SMS: variants seen among roughly 807,000 people sequenced by gnomAD.
SMS encodes the protein spermine synthase.
A neutral mutation model predicts 33.0 loss-of-function variants in SMS; 3 were observed. The observed-to-expected ratio is 0.09, with a 90% CI of 0.04 to 0.23. SMS has a LOEUF of 0.23. Among genes scored for constraint, SMS ranks in the 10% least tolerant of loss-of-function variants. The pLI is 1.00. For missense variants in SMS, 117 were observed against 288.6 expected (o/e 0.41, Z 4.31); for synonymous variants, 103 against 112.2 (o/e 0.92, Z 0.52).
At chrX:21,941,243 C>G (rs1256199078) in intron 1 of SMS, 1 of 115,724 alleles carries the variant, frequency 8.6e-6, no homozygotes, top group East Asian at 2.8e-4. Context: ...CGCGGGCGGA[C>G]CCCCCATGGG....
intron 1 of SMS, among the ~76,000 whole-genome samples, chrX:21,944,957 C>G (rs1049625737): frequency 1.8e-5 from 2 of 111,880 alleles, no homozygotes; most frequent in African/African-American, 6.5e-5. Flanking sequence ...CCAGCCTGGG[C>G]GACAGAGAGA....
At chrX:21,944,539 A>AAAAAAAAAAAAAG (rs776946474) in intron 1 of SMS, among the ~76,000 whole-genome samples, 85 of 81,209 alleles carry the variant, frequency 1.0e-3, no homozygotes, top group East Asian at 1.5e-3. Context: ...AAAAAAAAAA[A>AAAAAAAAAAAAAG]AAAAAAGAAA....
At chrX:21,961,907 T>G (rs1473595114) in intron 1 of SMS, among the ~76,000 whole-genome samples, 1 of 112,564 alleles carries the variant, frequency 8.9e-6, no homozygotes, top group Non-Finnish European at 1.9e-5. Context: ...TTGGCCTAAT[T>G]TGGATGACTA....
At chrX:21,959,207 G>C (rs1220282848) in intron 1 of SMS, among the ~76,000 whole-genome samples, 1 of 112,612 alleles carries the variant, frequency 8.9e-6, no homozygotes, top group Non-Finnish European at 1.9e-5. Context: ...AATTCATTAA[G>C]CTTCTAATAT....
chrX:21,947,868 A>G (rs1264894493), intron 1 of SMS, among the ~76,000 whole-genome samples: 1 of 105,931 alleles, frequency 9.4e-6, no homozygotes, highest in Admixed American at 9.7e-5. Flanking sequence ...ACAGCTTTGG[A>G]GAAGACTTTT....
rs144619262 is a variant in SMS, at chrX:21,969,071, A to G, written c.170+1755A>G. 4.7e-3 allele frequency among the ~76,000 whole-genome samples: 522 copies of G among 111,417 alleles called. 2 individuals are homozygous for G. The highest frequency in any genetic ancestry group is 7.7e-3 in the Non-Finnish European group (406 of 53,034). ...TCTCTTTGTTTCTCTATTAAAGGAA[A>G]AAGTACCCACCTCCATGATATTCCA... On this transcript the variant is annotated intron_variant, in intron 2 of 10. Transcript: ENST00000404933.
intron 1 of SMS, among the ~76,000 whole-genome samples, chrX:21,946,710 G>A (rs1922258585): frequency 1.8e-5 from 2 of 111,732 alleles, no homozygotes; most frequent in Non-Finnish European, 3.8e-5. Flanking sequence ...CTAGCATCTA[G>A]TACGTCCTGC....
At chrX:21,961,098 C>T (rs746350243) in intron 1 of SMS, among the ~76,000 whole-genome samples, 1 of 92,979 alleles carries the variant, frequency 1.1e-5, no homozygotes, top group South Asian at 5.6e-4. Flanking sequence ...GACTCCCTGG[C>T]CTAGTAAGGT....
At chrX:21,988,622 G>A (rs1246203962) in intron 9 of SMS, among the ~76,000 whole-genome samples, 7 of 99,045 alleles carry the variant, frequency 7.1e-5, no homozygotes, top group Admixed American at 2.5e-4. Context: ...CCGAGATCAC[G>A]CCACTGCAGT....
At chrX:21,991,922 T>A (rs994932068) in intron 9 of SMS, among the ~76,000 whole-genome samples, 7 of 111,977 alleles carry the variant, frequency 6.3e-5, no homozygotes. Context: ...CAAAAGCTTT[T>A]CCAGCAGCTA....
intron 5 of SMS, 61 bp downstream of exon 5, chrX:21,977,297 T>A: frequency 9.8e-7 from 1 of 1,015,561 alleles, no homozygotes; most frequent in Non-Finnish European, 1.4e-6. Context: ...AATGATGGTG[T>A]TTTCCTGACA....
intron 4 of SMS, among the ~76,000 whole-genome samples, chrX:21,976,119 G>A (rs974789170): frequency 1.8e-5 from 2 of 110,353 alleles, no homozygotes; most frequent in Non-Finnish European, 3.8e-5. Flanking sequence ...CATTCATCCT[G>A]TGAAAAATAC....
chrX:21,975,463 C>T (rs1924477932), intron 4 of SMS, among the ~76,000 whole-genome samples: 1 of 111,410 alleles, frequency 9.0e-6, no homozygotes, highest in South Asian at 3.8e-4. Context: ...AGGTGGCTGG[C>T]TGTCAAGGAG....
At chrX:21,961,517 C>T (rs904592047) in intron 1 of SMS, among the ~76,000 whole-genome samples, 22 of 111,300 alleles carry the variant, frequency 2.0e-4, no homozygotes, top group African/African-American at 5.6e-4. Flanking sequence ...GCTGATGCTC[C>T]GGGTCAGAAG....
chrX:21,954,034 G>T (rs1450414942), intron 1 of SMS, among the ~76,000 whole-genome samples: 2 of 110,515 alleles, frequency 1.8e-5, no homozygotes, highest in Non-Finnish European at 3.8e-5. Context: ...TCTCTAGTAT[G>T]CAGTTTCTGT....
In SMS at chrX:21,957,836, G is replaced by A. The variant is rs185670378; in HGVS notation, c.50-9360G>A. Among the ~76,000 whole-genome samples, 14 of 111,806 alleles carry A rather than the reference G, an allele frequency of 1.3e-4. 1 individual carries two copies. Among genetic ancestry groups the A allele is most frequent in the Non-Finnish European group, 2.6e-4 (14 of 53,131 alleles). On this transcript the variant is annotated intron_variant, in intron 1 of 10. Coordinates refer to ENST00000404933, the MANE Select transcript of SMS (RefSeq NM_004595.5). The stretch of plus-strand genomic sequence containing the variant: ...AGGAGTAAGGTGGTATCTGATTGTG[G>A]TTTTAATTTGCATTTTCCTGACAAC...
At chrX:21,986,797 G>A (rs73635588) in intron 9 of SMS, among the ~76,000 whole-genome samples, 1 of 111,640 alleles carries the variant, frequency 9.0e-6, no homozygotes, top group African/African-American at 3.3e-5. Flanking sequence ...ATGCAGACAC[G>A]CCCATTTATT....
At chrX:21,943,802 C>T (rs1921995231) in intron 1 of SMS, among the ~76,000 whole-genome samples, 2 of 111,544 alleles carry the variant, frequency 1.8e-5, no homozygotes, top group African/African-American at 6.5e-5. Flanking sequence ...GAGATCCTGG[C>T]TAGATTGGGA....
chrX:21,965,827 G>A (rs1207061416), intron 1 of SMS, among the ~76,000 whole-genome samples: 2 of 110,873 alleles, frequency 1.8e-5, no homozygotes, highest in East Asian at 2.8e-4. Context: ...ATGGTGGTTC[G>A]CACCTGTAGT....
Sources: allele counts gnomAD v4.1 joint callset (sites outside exome capture counted in the v4.1 genomes callset), GRCh38; gene constraint gnomAD v4.1.1; transcripts MANE v1.5; gene names NCBI Gene and HGNC (gene_info 2026-07-23, HGNC 2026-07-21).